KCNQ1: variants seen among roughly 807,000 people sequenced by gnomAD.
KCNQ1 encodes the protein potassium voltage-gated channel subfamily Q member 1, also known as potassium voltage-gated channel subfamily KQT member 1.
In KCNQ1, 49 loss-of-function variants were observed where a neutral mutation model predicts 72.4. The ratio of observed to expected loss-of-function variants is 0.68; its 90% CI spans 0.54 to 0.86. The LOEUF is 0.86. KCNQ1 is among the 40% of genes least tolerant of loss of function. The pLI, the probability that KCNQ1 is intolerant of heterozygous loss-of-function variation, is 0.00. For missense variants in KCNQ1, 790 were observed against 945.1 expected, an observed-to-expected ratio of 0.84 and a Z score of 2.15; for synonymous variants, 450 against 412.6, an observed-to-expected ratio of 1.09 and a Z score of -1.10.
chr11:2,725,276 C>G lies in KCNQ1; in HGVS notation c.1515-43568C>G, dbSNP rs1258594500. On this transcript the variant is annotated intron_variant, in intron 11 of 15. Coordinates refer to ENST00000155840, the MANE Select transcript of KCNQ1 (RefSeq NM_000218.3). This position sits in a 1 kb window ranked among gnomAD's most constrained non-coding sequence, Gnocchi z 7.2. Reference sequence around the variant, plus strand: ...CAGACGGCTGGACTTGTGAAACACTCCAGGGTCGGGGGCTCAGCCACGGGA... The same window carrying G: ...CAGACGGCTGGACTTGTGAAACACTGCAGGGTCGGGGGCTCAGCCACGGGA... 6.6e-6 allele frequency among the ~76,000 whole-genome samples: 1 copy of G among 152,198 alleles called. No individual in the cohort carries two copies. Among genetic ancestry groups the G allele is most frequent in the Non-Finnish European group, 1.5e-5 (1 of 68,040 alleles).
intron 10 of KCNQ1, chr11:2,639,267 T>C (rs1216435926): frequency 1.3e-5 from 2 of 152,232 alleles, no homozygotes; most frequent in Admixed American, 1.3e-4. Context: ...GTGGCTGCGT[T>C]CCTTTGGATG....
In KCNQ1 at chr11:2,573,656, G is replaced by A. The variant is rs115966226; in HGVS notation, c.921+670G>A. 7.8e-3 allele frequency among the ~76,000 whole-genome samples: 1,192 copies of A among 152,254 alleles called. 11 individuals are homozygous for A. Among genetic ancestry groups the A allele is most frequent in the African/African-American group, 0.026 (1,095 of 41,528 alleles). On this transcript the variant is annotated intron_variant, in intron 6 of 15. Coordinates refer to ENST00000155840, the MANE Select transcript of KCNQ1 (RefSeq NM_000218.3). ...GCCCCTGGCTGTGAAGGTGGGTTCC[G>A]GCCACCTAGAGCAGCCCGGGAGCCT...
In KCNQ1 at chr11:2,627,460, T is replaced by C. The variant is rs184645260; in HGVS notation, c.1394-34501T>C. The C allele has an allele frequency of 5.5e-3, 2,211 of 398,528 alleles. 10 individuals are homozygous for C. Among genetic ancestry groups the C allele is most frequent in the Middle Eastern group, 0.021 (34 of 1,588 alleles). 24.7% of individuals were successfully genotyped at this position (398,528 alleles called of 1,614,324 possible). A position where few individuals can be genotyped will look rare whatever the true frequency, so the allele number is the denominator to read the frequency against. On this transcript the variant is annotated intron_variant, in intron 10 of 15. Coordinates refer to ENST00000155840, the MANE Select transcript of KCNQ1 (RefSeq NM_000218.3). The surrounding 1 kb of genome is among the most constrained non-coding windows in gnomAD (Gnocchi z 4.9). ...ACCCTTCAACATTTCCTATTTCCCC[T>C]ACTCCCTGACCCCTAGTAACCACCC...
In KCNQ1 at chr11:2,482,426, A is replaced by C. The variant is rs1434152095; in HGVS notation, c.386+36942A>C. Among the ~76,000 whole-genome samples, 1 of 152,102 alleles carries C rather than the reference A, an allele frequency of 6.6e-6. No individual in the cohort carries two copies. Among genetic ancestry groups the C allele is most frequent in the Non-Finnish European group, 1.5e-5 (1 of 68,034 alleles). On this transcript the variant is annotated intron_variant, in intron 1 of 15. Coordinates refer to ENST00000155840, the MANE Select transcript of KCNQ1 (RefSeq NM_000218.3). This position sits in a 1 kb window ranked among gnomAD's most constrained non-coding sequence, Gnocchi z 5.7. Reference sequence around the variant, plus strand: ...CTATTGACGGCTGGGTTATTTCCTAATTGACTGCTGTAAATAGCATTGTGA... The same window carrying C: ...CTATTGACGGCTGGGTTATTTCCTACTTGACTGCTGTAAATAGCATTGTGA...
chr11:2,622,759 TGA>T (rs1054768919), intron 10 of KCNQ1: 1 of 398,632 alleles, frequency 2.5e-6, no homozygotes, highest in Non-Finnish European at 4.4e-6. Flanking sequence ...CCAGCAAAAT[TGA>T]GAGGTAAGTA....
Position 2,583,552 on chromosome 11 carries a change from G to T in KCNQ1, c.1032+7G>T. On this transcript the variant is annotated splice_region_variant and intron_variant, in intron 7 of 15. Coordinates refer to ENST00000155840, the MANE Select transcript of KCNQ1 (RefSeq NM_000218.3). ...CTTCTTTGCGCTCCCAGCGGTAGGT[G>T]CCCCGTGGGTGCGTTTTCCCTGGCT... is the stretch of plus-strand genomic sequence containing the variant. The T allele has an allele frequency of 6.3e-7, 1 of 1,598,418 alleles. No individual in the cohort carries two copies. Among genetic ancestry groups the T allele is most frequent in the South Asian group, 1.1e-5 (1 of 90,768 alleles).
chr11:2,582,162 A>G, intron 6 of KCNQ1, among the ~76,000 whole-genome samples: 1 of 152,160 alleles, frequency 6.6e-6, no homozygotes, highest in African/African-American at 2.4e-5. Context: ...CTGCTACCTG[A>G]GCCTCCGAGC....
In KCNQ1 at chr11:2,445,234, G is replaced by A. The variant is rs199473671; in HGVS notation, c.136G>A (p.Ala46Thr). The A allele has an allele frequency of 6.7e-5, 77 of 1,143,396 alleles. No homozygotes were observed. Among genetic ancestry groups the A allele is most frequent in the Middle Eastern group, 3.7e-4 (1 of 2,706 alleles). The allele number at this position is 1,143,396 out of a possible 1,614,324, so 70.8% of individuals were successfully genotyped here. ...GCTGGAGCTGGCGGAGGGCGGCCCG[G>A]CGGGCGGCGCGCTCTACGCGCCCAT... Reference protein sequence around the residue: ...FSLELAEGGPAGGALYAPIAP... With the variant: ...FSLELAEGGPTGGALYAPIAP... The change falls in exon 1 of 16, where the codon GCG becomes ACG. Residue 46 changes from alanine to threonine, a missense_variant. By Grantham distance (58) the Ala-to-Thr change is moderately conservative. Coordinates refer to ENST00000155840, the MANE Select transcript of KCNQ1 (RefSeq NM_000218.3).
chr11:2,585,949 G>C (rs1267643388), intron 8 of KCNQ1, among the ~76,000 whole-genome samples: 1 of 152,208 alleles, frequency 6.6e-6, no homozygotes, highest in South Asian at 2.1e-4. Flanking sequence ...ACCCACCAGA[G>C]AATGGGACTG....
rs974838615 is a variant in KCNQ1 at position 2,673,220 on chromosome 11, G to C, written c.1514+11139G>C. On this transcript the variant is annotated intron_variant, in intron 11 of 15. Transcript: ENST00000155840. The surrounding 1 kb of genome is among the most constrained non-coding windows in gnomAD (Gnocchi z 4.5). Reference sequence around the variant, plus strand: ...GCCGAACTGTGACTAGGCAAGCTGAGTCCCCTGTAGATTCTGGGGACTGGG... The same window carrying C: ...GCCGAACTGTGACTAGGCAAGCTGACTCCCCTGTAGATTCTGGGGACTGGG... 22 of 398,436 alleles carry C rather than the reference G, an allele frequency of 5.5e-5. No homozygotes were observed. Among genetic ancestry groups the C allele is most frequent in the Non-Finnish European group, 2.7e-5 (6 of 226,130 alleles). 24.7% of individuals were successfully genotyped at this position (398,436 alleles called of 1,614,324 possible). A position where few individuals can be genotyped will look rare whatever the true frequency, so the allele number is the denominator to read the frequency against.
Position 2,664,976 on chromosome 11 carries a change from G to A in KCNQ1, c.1514+2895G>A, listed in dbSNP as rs556288596. ...TAGCCTTGATTACGGGAAGGTCCCTGGGGCTGGGCGAAGCTCCTCTTTCCG... is the reference window on the plus strand; with the variant it reads ...TAGCCTTGATTACGGGAAGGTCCCTAGGGCTGGGCGAAGCTCCTCTTTCCG... On this transcript the variant is annotated intron_variant, in intron 11 of 15. Transcript: ENST00000155840. This position sits in a 1 kb window ranked among gnomAD's most constrained non-coding sequence, Gnocchi z 5.1. 301 of 398,540 alleles carry A rather than the reference G, an allele frequency of 7.6e-4. No homozygotes were observed. Among genetic ancestry groups the A allele is most frequent in the Non-Finnish European group, 1.2e-3 (266 of 226,132 alleles). 24.7% of individuals were successfully genotyped at this position (398,540 alleles called of 1,614,324 possible).
rs558913241 is a variant in KCNQ1 at position 2,609,472 on chromosome 11, A to C, written c.1393+20618A>C. 622 of 398,430 alleles carry C rather than the reference A, an allele frequency of 1.6e-3. 2 individuals carry two copies. Among genetic ancestry groups the C allele is most frequent in the Non-Finnish European group, 2.4e-3 (545 of 225,958 alleles). 24.7% of individuals were successfully genotyped at this position (398,430 alleles called of 1,614,324 possible). A position where few individuals can be genotyped will look rare whatever the true frequency, so the allele number is the denominator to read the frequency against. On this transcript the variant is annotated intron_variant, in intron 10 of 15. Coordinates refer to ENST00000155840, the MANE Select transcript of KCNQ1 (RefSeq NM_000218.3). ...CCTTCTTGGAGAATGTCTCATGTGC[A>C]CTTGAAAATACTGTATATTCAATGT...
intron 11 of KCNQ1, chr11:2,666,912 C>T (rs957645867): frequency 2.5e-6 from 1 of 398,678 alleles, no homozygotes. Flanking sequence ...AGTGTCCTGT[C>T]TTCTGCAAAG....
chr11:2,568,017 C>G (rs1258845039), intron 2 of KCNQ1, among the ~76,000 whole-genome samples: 3 of 152,078 alleles, frequency 2.0e-5, no homozygotes, highest in Non-Finnish European at 4.4e-5. Context: ...GCTTATAATC[C>G]CAGCACTTTG....
At chr11:2,584,120 C>T (rs1018398987) in intron 7 of KCNQ1, among the ~76,000 whole-genome samples, 1 of 152,120 alleles carries the variant, frequency 6.6e-6, no homozygotes, top group African/African-American at 2.4e-5. Flanking sequence ...TGTGTGCGTG[C>T]ATACTGTGTA....
At position 2,486,267 on chromosome 11, in the gene KCNQ1, C is replaced by G. The variant is rs146758648; in HGVS notation, c.386+40783C>G. On this transcript the variant is annotated intron_variant, in intron 1 of 15. Transcript: ENST00000155840. The surrounding 1 kb of genome is among the most constrained non-coding windows in gnomAD (Gnocchi z 5.0). The stretch of plus-strand genomic sequence containing the variant: ...TGAGTAGTGATGTTGAGTATCTTTT[C>G]ATGCTCTTATTAGCCATTTGTATAT... Among the ~76,000 whole-genome samples the G allele has an allele frequency of 3.5e-3, 526 of 152,286 alleles. 5 individuals carry two copies. Among genetic ancestry groups the G allele is most frequent in the African/African-American group, 0.012 (480 of 41,558 alleles).
rs1846445565 is a variant in KCNQ1 at position 2,471,086 on chromosome 11, A to G, written c.386+25602A>G. Among the ~76,000 whole-genome samples, 1 of 150,826 alleles carries G rather than the reference A, an allele frequency of 6.6e-6. No individual in the cohort carries two copies. The highest frequency in any genetic ancestry group is 2.4e-5 in the African/African-American group (1 of 40,854). ...TTGCTGGGATGGCCCTCCTCCCTCC[A>G]CAGCAGAGTTCTACCCGCCCTCACC... is the stretch of plus-strand genomic sequence containing the variant. On this transcript the variant is annotated intron_variant, in intron 1 of 15. Transcript: ENST00000155840. This position sits in a 1 kb window ranked among gnomAD's most constrained non-coding sequence, Gnocchi z 4.8.
chr11:2,733,814 A>ACACTCTCT, intron 11 of KCNQ1, among the ~76,000 whole-genome samples: 1 of 86,614 alleles, frequency 1.2e-5, no homozygotes, highest in African/African-American at 4.2e-5. Flanking sequence ...ACACACACAC[A>ACACTCTCT]CTCTCTCACT....
intron 10 of KCNQ1, chr11:2,634,790 C>G (rs1849429387): frequency 6.6e-6 from 1 of 152,148 alleles, no homozygotes; most frequent in South Asian, 2.1e-4. Context: ...GTTTACAGTC[C>G]CACCAACAGT....
Sources: allele counts gnomAD v4.1 joint callset (sites outside exome capture counted in the v4.1 genomes callset), GRCh38; gene constraint gnomAD v4.1.1; non-coding constraint Gnocchi (gnomAD v3.1); transcripts MANE v1.5; gene names NCBI Gene and HGNC (gene_info 2026-07-23, HGNC 2026-07-21).